The following FRMPD4 variants were observed in gnomAD, a reference collection of about 807,000 sequenced individuals.
FRMPD4 encodes FERM and PDZ domain containing 4.
A neutral mutation model predicts 94.1 loss-of-function variants in FRMPD4; 22 were observed. That is an observed-to-expected ratio of 0.23 (90% CI 0.17 to 0.33). The LOEUF is 0.33. Among genes scored for constraint, FRMPD4 ranks in the 10% least tolerant of loss-of-function variants. FRMPD4 has a pLI of 1.00. For missense variants in FRMPD4, 1,111 were observed against 1,339.9 expected (o/e 0.83, Z 2.67); for synonymous variants, 631 against 548.6 (o/e 1.15, Z -2.10).
intron 1 of FRMPD4, among the ~76,000 whole-genome samples, chrX:12,191,207 T>C (rs183838554): frequency 3.6e-5 from 4 of 111,771 alleles, no homozygotes; most frequent in Non-Finnish European, 7.6e-5. Flanking sequence ...CCACTATACA[T>C]CTATTAGAAT....
chrX:12,301,835 C>T (rs1311953913), intron 1 of FRMPD4, among the ~76,000 whole-genome samples: 1 of 111,689 alleles, frequency 9.0e-6, no homozygotes, highest in African/African-American at 3.3e-5. Context: ...ACTCTGTAGC[C>T]TTGGAGTAAA....
chrX:12,168,719 G>C (rs2056168400), intron 1 of FRMPD4, among the ~76,000 whole-genome samples: 1 of 100,480 alleles, frequency 1.0e-5, no homozygotes, highest in Admixed American at 1.1e-4. Context: ...TCCGCCTCCT[G>C]GGTTCACGCC....
At chrX:12,202,605 C>G (rs976306005) in intron 1 of FRMPD4, among the ~76,000 whole-genome samples, 35 of 111,996 alleles carry the variant, frequency 3.1e-4, no homozygotes, top group African/African-American at 1.1e-3. Flanking sequence ...GTTTTTGATG[C>G]CTATACTAAA....
intron 1 of FRMPD4, among the ~76,000 whole-genome samples, chrX:12,318,840 T>TAAATG (rs1200466991): frequency 3.6e-5 from 4 of 110,748 alleles, no homozygotes; most frequent in African/African-American, 6.6e-5. Flanking sequence ...TTACCCAGAT[T>TAAATG]CGATCATTAT....
At position 12,418,580 on chromosome X, in the gene FRMPD4, G is replaced by A. The variant is rs1261787477; in HGVS notation, c.42-80100G>A. Among the ~76,000 whole-genome samples the A allele has an allele frequency of 6.4e-5, 7 of 109,018 alleles. No individual in the cohort carries two copies. The East Asian group carries it at 8.6e-4, about 13-fold the overall frequency. 94.7% of individuals were successfully genotyped at this position (109,018 alleles called of 115,157 possible). On this transcript the variant is annotated intron_variant, in intron 1 of 16. Transcript: ENST00000675598. ...TCACCATGTTGGTCAGGCTGGTCTCGAACTCCCGACCTCGTGATCCGTCCG... is the reference window on the plus strand; with the variant it reads ...TCACCATGTTGGTCAGGCTGGTCTCAAACTCCCGACCTCGTGATCCGTCCG...
At position 12,614,849 on chromosome X, in the gene FRMPD4, T is replaced by C; in HGVS notation, c.390T>C (p.Ala130=). 1 of 1,182,207 alleles carries C rather than the reference T, an allele frequency of 8.5e-7. No homozygotes were observed. The highest frequency in any genetic ancestry group is 1.2e-6 in the Non-Finnish European group (1 of 869,357). The part of the protein sequence containing the change: ...IVMINDEPVS[A]APRERVIDLV... Reference sequence around the variant, plus strand: ...TGATTAATGATGAACCGGTCAGCGCTGCACCCAGAGAGCGGGTCATCGATC... The same window carrying C: ...TGATTAATGATGAACCGGTCAGCGCCGCACCCAGAGAGCGGGTCATCGATC... Residue 130 remains alanine, a synonymous_variant, in exon 4 of 17, where the codon GCT becomes GCC. Transcript: ENST00000675598.
At chrX:12,394,729 C>T (rs1362389598) in intron 1 of FRMPD4, among the ~76,000 whole-genome samples, 12 of 111,131 alleles carry the variant, frequency 1.1e-4, no homozygotes, top group African/African-American at 3.9e-4. Context: ...TTTGTTTTAT[C>T]GATAAAGTAT....
intron 1 of FRMPD4, among the ~76,000 whole-genome samples, chrX:12,154,786 C>T (rs780399992): frequency 1.7e-4 from 19 of 112,557 alleles, no homozygotes; most frequent in Non-Finnish European, 2.8e-4. Context: ...TTCCTGGATT[C>T]GGCTTCATGG....
chrX:12,375,136 C>A (rs1013127449), intron 1 of FRMPD4: 1 of 112,573 alleles, frequency 8.9e-6, no homozygotes, highest in Non-Finnish European at 1.9e-5. Context: ...ACAGGTGAAC[C>A]TAATGAATGG....
At chrX:12,005,184 A>T (rs1406400906) in intron 3 of FRMPD4, among the ~76,000 whole-genome samples, 1 of 109,435 alleles carries the variant, frequency 9.1e-6, no homozygotes, top group Non-Finnish European at 1.9e-5. Context: ...TTCTCAAACT[A>T]TAGAGTGCTT....
Position 12,686,013 on chromosome X carries a change from A to G in FRMPD4, c.574-84A>G. The G allele has an allele frequency of 1.1e-5, 5 of 446,755 alleles. No individual in the cohort carries two copies. In the South Asian group the frequency reaches 2.3e-4, roughly 20 times the overall value. 36.8% of individuals were successfully genotyped at this position (446,755 alleles called of 1,213,427 possible). ...GATTGTTTTTTAATGCCATGCTTAG[A>G]ATAAAGTATAGATGTGCTGCTACTG... On this transcript the variant is annotated intron_variant, in intron 6 of 16. Coordinates refer to ENST00000675598, the MANE Select transcript of FRMPD4 (RefSeq NM_001368397.1).
At chrX:12,589,322 G>C (rs1422810862) in intron 2 of FRMPD4, among the ~76,000 whole-genome samples, 1 of 111,718 alleles carries the variant, frequency 9.0e-6, no homozygotes, top group African/African-American at 3.2e-5. Flanking sequence ...TGAGGATCAA[G>C]CTACTGTTCA....
At chrX:12,404,744 T>A (rs926697096) in intron 1 of FRMPD4, among the ~76,000 whole-genome samples, 13 of 111,922 alleles carry the variant, frequency 1.2e-4, no homozygotes, top group Middle Eastern at 4.6e-3. Context: ...ATACTTTTTT[T>A]AAAAAAGCTA....
intron 3 of FRMPD4, among the ~76,000 whole-genome samples, chrX:12,084,469 G>A (rs1311477239): frequency 1.8e-5 from 2 of 111,678 alleles, no homozygotes; most frequent in Non-Finnish European, 3.8e-5. Context: ...ATTTCAGAAT[G>A]AGTAAACAGA....
At chrX:12,277,591 A>G (rs5933980) in intron 1 of FRMPD4, among the ~76,000 whole-genome samples, 20,383 of 111,152 alleles carry the variant, frequency 0.18, 1,698 homozygotes, top group East Asian at 0.5. Context: ...GACACAGGGA[A>G]GACATCTCTC....
intron 1 of FRMPD4, among the ~76,000 whole-genome samples, chrX:12,226,385 A>G (rs2056922789): frequency 8.9e-6 from 1 of 111,988 alleles, no homozygotes; most frequent in Admixed American, 9.5e-5. Flanking sequence ...CATCCTGAGG[A>G]GGGGCACTTA....
At chrX:12,702,864 C>T (rs750563122) in intron 10 of FRMPD4, among the ~76,000 whole-genome samples, 2 of 112,386 alleles carry the variant, frequency 1.8e-5, no homozygotes, top group South Asian at 3.7e-4. Context: ...CACACATAAG[C>T]GTGACTGTAG....
chrX:12,373,496 C>G (rs1156487622), intron 1 of FRMPD4, among the ~76,000 whole-genome samples: 2 of 111,955 alleles, frequency 1.8e-5, no homozygotes, highest in Admixed American at 9.5e-5. Flanking sequence ...GTGGCATATA[C>G]TTTTCCTGTG....
rs190804327 is a variant in FRMPD4, at chrX:12,716,715, C to T, written c.2256C>T (p.Asp752=). Residue 752 remains aspartate, a synonymous_variant, in exon 15 of 17, where the codon GAC becomes GAT. Coordinates refer to ENST00000675598, the MANE Select transcript of FRMPD4 (RefSeq NM_001368397.1). The part of the protein sequence containing the change: ...AENTDDAEDE[D]EVSCEEDLVV... ...ACACTGATGACGCGGAGGACGAGGACGAGGTGAGCTGCGAGGAGGACCTCG... is the reference window on the plus strand; with the variant it reads ...ACACTGATGACGCGGAGGACGAGGATGAGGTGAGCTGCGAGGAGGACCTCG... The T allele has an allele frequency of 1.1e-4, 130 of 1,209,829 alleles. 1 individual carries two copies. In the East Asian group the frequency reaches 2.5e-3, roughly 23 times the overall value.
Sources: gnomAD v4.1 joint callset for allele counts (sites outside exome capture counted in the v4.1 genomes callset) on GRCh38, gnomAD v4.1.1 for gene constraint, MANE v1.5 for transcripts, NCBI Gene and HGNC (gene_info 2026-07-23, HGNC 2026-07-21) for gene names.